The following TMEM132D variants were observed in gnomAD, a reference collection of about 807,000 sequenced individuals.
TMEM132D encodes transmembrane protein 132D.
TMEM132D carries 21 observed loss-of-function variants against 62.3 expected under a neutral mutation model. The ratio of observed to expected loss-of-function variants is 0.34; its 90% CI spans 0.24 to 0.49. The LOEUF (loss-of-function observed/expected upper bound fraction) is 0.49, where lower values mean the gene tolerates loss of function less well. Among genes scored for constraint, TMEM132D ranks in the 20% least tolerant of loss-of-function variants. The pLI, the probability that TMEM132D is intolerant of heterozygous loss-of-function variation, is 0.99. For missense variants in TMEM132D, 1,346 were observed against 1,402.8 expected (o/e 0.96, Z 0.65); for synonymous variants, 621 against 575.6 (o/e 1.08, Z -1.13).
chr12:129,088,362 G>A (rs1282895842), intron 5 of TMEM132D, among the ~76,000 whole-genome samples: 1 of 38,228 alleles, frequency 2.6e-5, no homozygotes, highest in Non-Finnish European at 4.3e-5. Flanking sequence ...CTCCATGACC[G>A]GGGTGTCCTC....
intron 1 of TMEM132D, among the ~76,000 whole-genome samples, chr12:129,773,951 A>G (rs1199431134): frequency 6.6e-6 from 1 of 152,198 alleles, no homozygotes; most frequent in Non-Finnish European, 1.5e-5. Flanking sequence ...TAAATGAGAC[A>G]ATGCATATAA....
intron 3 of TMEM132D, among the ~76,000 whole-genome samples, chr12:129,477,132 T>A (rs951535789): frequency 4.6e-5 from 7 of 152,228 alleles, no homozygotes; most frequent in African/African-American, 1.7e-4. Context: ...TTTAGTAGCA[T>A]TCCTGGTCTT....
At chr12:129,232,808 A>G (rs548748747) in intron 4 of TMEM132D, among the ~76,000 whole-genome samples, 1 of 152,072 alleles carries the variant, frequency 6.6e-6, no homozygotes, top group Admixed American at 6.5e-5. Flanking sequence ...GTCTTACATG[A>G]TGGCAGGAGA....
intron 3 of TMEM132D, among the ~76,000 whole-genome samples, chr12:129,525,716 G>A (rs941141578): frequency 2.6e-5 from 4 of 152,144 alleles, no homozygotes; most frequent in African/African-American, 9.7e-5. Flanking sequence ...CTGGTCATCT[G>A]CCAGACAGAC....
intron 4 of TMEM132D, among the ~76,000 whole-genome samples, chr12:129,256,645 C>T (rs1880408206): frequency 2.0e-5 from 3 of 152,320 alleles, no homozygotes; most frequent in Admixed American, 2.0e-4. Context: ...TGGTCTTGAA[C>T]TCCTGACCTC....
intron 2 of TMEM132D, among the ~76,000 whole-genome samples, chr12:129,608,012 G>A (rs1403928025): frequency 6.6e-6 from 1 of 152,142 alleles, no homozygotes; most frequent in Non-Finnish European, 1.5e-5. Context: ...TTGTTTCTGT[G>A]GAGTCTGTGA....
intron 4 of TMEM132D, among the ~76,000 whole-genome samples, chr12:129,335,820 A>T (rs771758995): frequency 2.6e-5 from 4 of 152,246 alleles, no homozygotes; most frequent in Admixed American, 6.5e-5. Flanking sequence ...TGGCTATATA[A>T]CTAAGTTTTG....
rs146961002 is a variant in TMEM132D, at chr12:129,695,585, T to C, written c.968+4225A>G. ...CAACATCTGTCCTCTTTGTTAACAG[T>C]GCCCCAGTCTTCACAAGAGGAAAAT... is the stretch of plus-strand genomic sequence containing the variant. On this transcript the variant is annotated intron_variant, in intron 2 of 8. Coordinates refer to ENST00000422113, the MANE Select transcript of TMEM132D (RefSeq NM_133448.3). Among the ~76,000 whole-genome samples, 459 of 152,354 alleles carry C rather than the reference T, an allele frequency of 3.0e-3. 1 individual carries two copies. The highest frequency in any genetic ancestry group is 4.2e-3 in the Non-Finnish European group (283 of 68,036).
chr12:129,266,441 C>T (rs1434667880), intron 4 of TMEM132D, among the ~76,000 whole-genome samples: 1 of 151,148 alleles, frequency 6.6e-6, no homozygotes, highest in African/African-American at 2.4e-5. Context: ...CCCTCTCTTC[C>T]CTTTCTTTTC....
At chr12:129,509,453 C>T (rs769040331) in intron 3 of TMEM132D, among the ~76,000 whole-genome samples, 4 of 152,106 alleles carry the variant, frequency 2.6e-5, no homozygotes, top group Non-Finnish European at 5.9e-5. Flanking sequence ...TCCATCCCCT[C>T]AAGCTTTTAT....
intron 2 of TMEM132D, among the ~76,000 whole-genome samples, chr12:129,547,311 T>C (rs536577920): frequency 6.6e-6 from 1 of 152,220 alleles, no homozygotes; most frequent in East Asian, 1.9e-4. Flanking sequence ...CAATCATAGG[T>C]CACTGCAGCC....
intron 1 of TMEM132D, among the ~76,000 whole-genome samples, chr12:129,811,343 A>T (rs922314488): frequency 1.3e-5 from 2 of 151,600 alleles, no homozygotes; most frequent in Admixed American, 6.6e-5. Flanking sequence ...CACACCCAGC[A>T]GACTTCATCC....
chr12:129,596,896 A>G (rs539320039), intron 2 of TMEM132D, among the ~76,000 whole-genome samples: 2 of 152,222 alleles, frequency 1.3e-5, no homozygotes, highest in Admixed American at 6.5e-5. Flanking sequence ...TGAGCTCCAC[A>G]GCTAGTCCAA....
intron 2 of TMEM132D, among the ~76,000 whole-genome samples, chr12:129,606,155 T>TCAG (rs1371367678): frequency 6.6e-6 from 1 of 152,158 alleles, no homozygotes; most frequent in Non-Finnish European, 1.5e-5. Context: ...AGGGGTGCCT[T>TCAG]CAGGGTAGAA....
At chr12:129,221,510 A>G (rs911372800) in intron 4 of TMEM132D, among the ~76,000 whole-genome samples, 2 of 152,170 alleles carry the variant, frequency 1.3e-5, no homozygotes, top group Admixed American at 1.3e-4. Flanking sequence ...GATTGCTCAG[A>G]TATGAAACCT....
intron 4 of TMEM132D, among the ~76,000 whole-genome samples, chr12:129,233,997 C>A (rs567075244): frequency 3.9e-5 from 6 of 152,292 alleles, no homozygotes; most frequent in African/African-American, 1.4e-4. Flanking sequence ...CAAACCACAT[C>A]TTTAATGAGG....
At chr12:129,106,583 A>G (rs1875506126) in intron 5 of TMEM132D, among the ~76,000 whole-genome samples, 1 of 152,172 alleles carries the variant, frequency 6.6e-6, no homozygotes, top group Admixed American at 6.6e-5. Context: ...TGCAGTCACC[A>G]TACCTGAAAG....
intron 2 of TMEM132D, among the ~76,000 whole-genome samples, chr12:129,667,455 G>A (rs1015456662): frequency 7.2e-5 from 11 of 152,090 alleles, no homozygotes; most frequent in Admixed American, 3.3e-4. Context: ...CTTGGGTCTC[G>A]TTTGGAAAGC....
intron 4 of TMEM132D, among the ~76,000 whole-genome samples, chr12:129,304,662 CTTTTTT>C (rs35812965): frequency 1.1e-5 from 1 of 93,606 alleles, no homozygotes; most frequent in African/African-American, 4.1e-5. Context: ...ATACTTGGAT[CTTTTTT>C]TTTTTTTTTT....
Sources: allele counts gnomAD v4.1 joint callset (sites outside exome capture counted in the v4.1 genomes callset), GRCh38; gene constraint gnomAD v4.1.1; transcripts MANE v1.5; gene names NCBI Gene and HGNC (gene_info 2026-07-23, HGNC 2026-07-21).